PTPRO: variants seen among roughly 807,000 people sequenced by gnomAD.
The protein encoded by PTPRO is protein tyrosine phosphatase receptor type O, also known as receptor-type tyrosine-protein phosphatase O.
PTPRO carries 62 observed loss-of-function variants against 145.2 expected under a neutral mutation model. That is an observed-to-expected ratio of 0.43 (90% CI 0.35 to 0.53). The LOEUF (loss-of-function observed/expected upper bound fraction) is 0.53. Ranked by LOEUF, PTPRO falls within the 20% of genes least tolerant of loss-of-function variation. The pLI is 0.01. For missense variants in PTPRO, 1,345 were observed against 1,482.7 expected, an observed-to-expected ratio of 0.91 and a Z score of 1.53; for synonymous variants, 565 against 514.7, an observed-to-expected ratio of 1.10 and a Z score of -1.32.
Position 15,484,121 on chromosome 12 carries a change from A to C in PTPRO, c.223A>C (p.Asn75His). The C allele has an allele frequency of 6.2e-7, 1 of 1,613,866 alleles. No homozygotes were observed. Among genetic ancestry groups the C allele is most frequent in the African/African-American group, 1.3e-5 (1 of 75,038 alleles). The change falls in exon 2 of 27, where the codon AAC becomes CAC. Residue 75 changes from asparagine (N) to histidine (H), a missense_variant. Coordinates refer to ENST00000281171, the MANE Select transcript of PTPRO (RefSeq NM_030667.3). ...TTATTTCTTCGAATTTGAGGAATTC[A>C]ACAGCACTTTGCCTCCTCCTGTTAT... is the stretch of plus-strand genomic sequence containing the variant. ...KNYFFEFEEF[N>H]STLPPPVIFK...
intron 1 of PTPRO, among the ~76,000 whole-genome samples, chr12:15,477,813 A>G (rs1941690508): frequency 6.6e-6 from 1 of 152,106 alleles, no homozygotes; most frequent in Non-Finnish European, 1.5e-5. Flanking sequence ...CCTCCATGGC[A>G]CCATCAGAGG....
chr12:15,329,730 A>AGT (rs1179848323), intron 1 of PTPRO, among the ~76,000 whole-genome samples: 1 of 152,204 alleles, frequency 6.6e-6, no homozygotes, highest in Non-Finnish European at 1.5e-5. Context: ...AGTCCCTGGC[A>AGT]GTGGCATATT....
intron 2 of PTPRO, among the ~76,000 whole-genome samples, chr12:15,495,216 T>A (rs1942076021): frequency 6.6e-6 from 1 of 151,170 alleles, no homozygotes; most frequent in African/African-American, 2.4e-5. Context: ...TATACTGGAG[T>A]CTGAAGGTCT....
At chr12:15,439,794 C>A in intron 1 of PTPRO, 1 of 611,786 alleles carries the variant, frequency 1.6e-6, no homozygotes, top group African/African-American at 1.8e-5. Flanking sequence ...ATCAAAGAAT[C>A]AGATATCATT....
chr12:15,512,389 AC>A (rs1457355871), intron 7 of PTPRO, among the ~76,000 whole-genome samples: 1 of 152,190 alleles, frequency 6.6e-6, no homozygotes, highest in African/African-American at 2.4e-5. Flanking sequence ...TGCTGGGATT[AC>A]AGGCGTGAGC....
chr12:15,492,907 A>T (rs931555339), intron 2 of PTPRO, among the ~76,000 whole-genome samples: 3 of 152,274 alleles, frequency 2.0e-5, no homozygotes, highest in African/African-American at 7.2e-5. Flanking sequence ...TGGAGAGATG[A>T]TTATGAGAAT....
chr12:15,557,827 C>T (rs1030880309), intron 16 of PTPRO, among the ~76,000 whole-genome samples: 2 of 152,160 alleles, frequency 1.3e-5, no homozygotes, highest in Admixed American at 6.5e-5. Context: ...GCAGGAGCGC[C>T]GCTGAACAAG....
intron 1 of PTPRO, among the ~76,000 whole-genome samples, chr12:15,446,358 C>A (rs939170157): frequency 5.9e-5 from 9 of 152,040 alleles, no homozygotes; most frequent in African/African-American, 2.2e-4. Context: ...CTCCTAATTC[C>A]CTGCCCTGTC....
At chr12:15,473,665 G>A (rs1941590164) in intron 1 of PTPRO, among the ~76,000 whole-genome samples, 1 of 151,454 alleles carries the variant, frequency 6.6e-6, no homozygotes, top group African/African-American at 2.4e-5. Context: ...TACTCGGGAG[G>A]CTGAGGCAGC....
chr12:15,395,481 G>A (rs894931434), intron 1 of PTPRO, among the ~76,000 whole-genome samples: 2 of 151,700 alleles, frequency 1.3e-5, no homozygotes, highest in Admixed American at 6.6e-5. Flanking sequence ...TATCCCAAAA[G>A]TCTCCATTCT....
chr12:15,435,226 A>T (rs1409748308), intron 1 of PTPRO, among the ~76,000 whole-genome samples: 1 of 152,194 alleles, frequency 6.6e-6, no homozygotes, highest in African/African-American at 2.4e-5. Context: ...AATATGACAG[A>T]TCTTTCAAAA....
chr12:15,456,916 C>T (rs933520422), intron 1 of PTPRO, among the ~76,000 whole-genome samples: 1 of 151,886 alleles, frequency 6.6e-6, no homozygotes, highest in Admixed American at 6.6e-5. Flanking sequence ...CAAACCAATT[C>T]TTTTATTAAA....
At chr12:15,500,571 A>G (rs1272412117) in intron 4 of PTPRO, among the ~76,000 whole-genome samples, 3 of 152,226 alleles carry the variant, frequency 2.0e-5, no homozygotes, top group East Asian at 3.9e-4. Flanking sequence ...GATAAATATT[A>G]TAACAGAGGT....
intron 1 of PTPRO, among the ~76,000 whole-genome samples, chr12:15,411,660 C>T (rs569954222): frequency 6.6e-6 from 1 of 152,270 alleles, no homozygotes; most frequent in East Asian, 1.9e-4. Flanking sequence ...TCAGATCTTG[C>T]CGGACTTATT....
In PTPRO at chr12:15,452,169, C is replaced by T. The variant is rs1941063400; in HGVS notation, c.76-31805C>T. ...AGAAACGAAAAAGGAGATATTACAACTGACACCACAGAAATACAAAAGGTC... is the reference window on the plus strand; with the variant it reads ...AGAAACGAAAAAGGAGATATTACAATTGACACCACAGAAATACAAAAGGTC... On this transcript the variant is annotated intron_variant, in intron 1 of 26. Coordinates refer to ENST00000281171, the MANE Select transcript of PTPRO (RefSeq NM_030667.3). Among the ~76,000 whole-genome samples the T allele has an allele frequency of 3.3e-5, 5 of 152,264 alleles. No individual in the cohort carries two copies. The South Asian group carries it at 8.3e-4, about 25-fold the overall frequency.
Position 15,455,071 on chromosome 12 carries a change from A to T in PTPRO, c.76-28903A>T, listed in dbSNP as rs750055165. ...TATTCAGAATCCTATGTGGTTCCAT[A>T]TTAATTTTAGAATTATTTTATTTTT... On this transcript the variant is annotated intron_variant, in intron 1 of 26. Coordinates refer to ENST00000281171, the MANE Select transcript of PTPRO (RefSeq NM_030667.3). Among the ~76,000 whole-genome samples, 10 of 152,252 alleles carry T rather than the reference A, an allele frequency of 6.6e-5. No individual in the cohort carries two copies. The East Asian group carries it at 1.9e-3, about 29-fold the overall frequency.
At chr12:15,438,224 A>G (rs1347578879) in intron 1 of PTPRO, among the ~76,000 whole-genome samples, 1 of 151,966 alleles carries the variant, frequency 6.6e-6, no homozygotes, top group Non-Finnish European at 1.5e-5. Context: ...TACCTGTATG[A>G]AAAAAAATAC....
At chr12:15,341,015 T>C (rs531671786) in intron 1 of PTPRO, among the ~76,000 whole-genome samples, 124 of 152,320 alleles carry the variant, frequency 8.1e-4, no homozygotes, top group African/African-American at 2.8e-3. Flanking sequence ...TCAAGTTGCA[T>C]AAAAAATTAC....
intron 1 of PTPRO, among the ~76,000 whole-genome samples, chr12:15,464,617 C>T (rs1451688153): frequency 2.0e-5 from 3 of 151,750 alleles, no homozygotes; most frequent in East Asian, 1.9e-4. Context: ...CCTTGGCCTC[C>T]CAAAGTGCTG....
Sources: gnomAD v4.1 joint callset for allele counts (sites outside exome capture counted in the v4.1 genomes callset) on GRCh38, gnomAD v4.1.1 for gene constraint, MANE v1.5 for transcripts, NCBI Gene and HGNC (gene_info 2026-07-23, HGNC 2026-07-21) for gene names.